The following QKI variants were observed in gnomAD, a reference collection of about 807,000 sequenced individuals.
QKI encodes the protein KH domain-containing RNA-binding protein QKI.
In QKI, 10 loss-of-function variants were observed where a neutral mutation model predicts 39.0. That is an observed-to-expected ratio of 0.26 (90% confidence interval 0.16 to 0.43). The LOEUF is 0.43. Among genes scored for constraint, QKI ranks in the 20% least tolerant of loss-of-function variants. The pLI, the probability that QKI is intolerant of heterozygous loss-of-function variation, is 1.00. For synonymous variants in QKI, 204 were observed against 155.4 expected (o/e 1.31, Z -2.33); for missense variants, 218 against 428.0 (o/e 0.51, Z 4.33).
In QKI at chr6:163,535,102, G is replaced by A; in HGVS notation, c.523G>A (p.Val175Met). The A allele has an allele frequency of 3.1e-6, 5 of 1,601,144 alleles. No homozygotes were observed. The highest frequency in any genetic ancestry group is 4.3e-6 in the Non-Finnish European group (5 of 1,174,470). The change falls in exon 4 of 8, where the codon GTG (valine) becomes ATG (methionine). Residue 175 changes from valine (V) to methionine (M), a missense_variant. Val to Met is a conservative substitution (Grantham distance 21). Coordinates refer to ENST00000361752, the MANE Select transcript of QKI (RefSeq NM_006775.3). ...EIKLKRAVEE[V>M]KKLLVPAAEG... ...CAAATTGAAGAGAGCAGTTGAAGAAGTGAAGAAATTATTGGTACCTGCAGT... is the reference window on the plus strand; with the variant it reads ...CAAATTGAAGAGAGCAGTTGAAGAAATGAAGAAATTATTGGTACCTGCAGT...
At chr6:163,461,500 G>A (rs1238246867) in intron 2 of QKI, among the ~76,000 whole-genome samples, 1 of 152,108 alleles carries the variant, frequency 6.6e-6, no homozygotes, top group Non-Finnish European at 1.5e-5. Flanking sequence ...AGACAGAAAC[G>A]TTTGTCTATG....
chr6:163,487,453 ATTAT>A (rs764608673), intron 3 of QKI, among the ~76,000 whole-genome samples: 46 of 152,334 alleles, frequency 3.0e-4, no homozygotes, highest in Admixed American at 1.0e-3. Context: ...TATCTAGAAA[ATTAT>A]TTATCCTCAA....
At chr6:163,564,342 A>C (rs768587643) in intron 6 of QKI, 17 of 1,070,006 alleles carry the variant, frequency 1.6e-5, no homozygotes, top group Non-Finnish European at 2.0e-5. Flanking sequence ...CTACACACCT[A>C]GGCTGTGTGG....
At chr6:163,527,694 C>T (rs2128239362) in intron 3 of QKI, among the ~76,000 whole-genome samples, 1 of 152,190 alleles carries the variant, frequency 6.6e-6, no homozygotes, top group East Asian at 1.9e-4. Flanking sequence ...TACTTTGTTT[C>T]TCAAATGTTG....
chr6:163,426,115 C>T (rs1788382632), intron 1 of QKI, among the ~76,000 whole-genome samples: 1 of 152,090 alleles, frequency 6.6e-6, no homozygotes, highest in Admixed American at 6.5e-5. Flanking sequence ...ACGTAATAAC[C>T]AGTCCATATT....
intron 4 of QKI, among the ~76,000 whole-genome samples, chr6:163,544,389 T>G (rs1781738782): frequency 6.6e-6 from 1 of 152,022 alleles, no homozygotes; most frequent in Non-Finnish European, 1.5e-5. Flanking sequence ...TGGAACCAGT[T>G]CCCCGCAGAT....
intron 4 of QKI, among the ~76,000 whole-genome samples, chr6:163,544,295 C>T (rs1781731682): frequency 6.6e-6 from 1 of 151,886 alleles, no homozygotes; most frequent in South Asian, 2.1e-4. Context: ...GGAGCATGTG[C>T]GTAGGTTATA....
chr6:163,463,647 C>G (rs1197232688), intron 2 of QKI, among the ~76,000 whole-genome samples: 3 of 152,118 alleles, frequency 2.0e-5, no homozygotes, highest in Non-Finnish European at 4.4e-5. Context: ...CCATTCAAAA[C>G]AAATTCACGT....
chr6:163,439,354 T>TTGG (rs201292493), intron 1 of QKI, among the ~76,000 whole-genome samples: 7 of 133,360 alleles, frequency 5.2e-5, no homozygotes, highest in Non-Finnish European at 9.9e-5. Context: ...TTTTTTTTTT[T>TTGG]CGGGGGGGTG....
chr6:163,525,266 C>G, intron 3 of QKI, among the ~76,000 whole-genome samples: 1 of 65,944 alleles, frequency 1.5e-5, no homozygotes, highest in African/African-American at 8.4e-5. Context: ...CATCTTGTTT[C>G]CTTTTTTTTT....
chr6:163,415,642 C>G (rs892421253), intron 1 of QKI, among the ~76,000 whole-genome samples: 1 of 151,790 alleles, frequency 6.6e-6, no homozygotes, highest in African/African-American at 2.4e-5. Context: ...TCGGCGGTCA[C>G]ATTTCCGAGA....
intron 1 of QKI, among the ~76,000 whole-genome samples, chr6:163,431,766 T>G (rs1345517255): frequency 7.0e-6 from 1 of 143,020 alleles, no homozygotes; most frequent in Admixed American, 7.2e-5. Flanking sequence ...GATAGTAGAA[T>G]AGCATTTTAT....
At chr6:163,565,409 C>T (rs1562551095) in intron 6 of QKI, 2 of 985,796 alleles carry the variant, frequency 2.0e-6, no homozygotes, top group East Asian at 2.3e-4. Flanking sequence ...GATTTTGCCA[C>T]GTGGAATTGT....
chr6:163,517,806 C>G lies in QKI; in HGVS notation c.403-17176C>G, dbSNP rs913108573. On this transcript the variant is annotated intron_variant, in intron 3 of 7. Coordinates refer to ENST00000361752, the MANE Select transcript of QKI (RefSeq NM_006775.3). The stretch of plus-strand genomic sequence containing the variant: ...ACTAACTTTTTTCCCTAAATAGTGT[C>G]TCTCTTTATTTTGTCGATTGATATT... 4.6e-5 allele frequency among the ~76,000 whole-genome samples: 7 copies of G among 152,046 alleles called. No individual in the cohort carries two copies. The East Asian group carries it at 1.2e-3, about 25-fold the overall frequency.
intron 2 of QKI, among the ~76,000 whole-genome samples, chr6:163,476,589 T>G (rs1235280737): frequency 6.6e-6 from 1 of 152,242 alleles, no homozygotes; most frequent in East Asian, 1.9e-4. Context: ...GAGAAAAAAC[T>G]AGCCCATTAC....
At chr6:163,558,565 A>C (rs1160805657) in intron 4 of QKI, among the ~76,000 whole-genome samples, 3 of 151,942 alleles carry the variant, frequency 2.0e-5, no homozygotes, top group African/African-American at 4.8e-5. Context: ...ACGCCCAGCT[A>C]ATTTTTGTAT....
chr6:163,459,392 A>G (rs964427970), intron 2 of QKI, among the ~76,000 whole-genome samples: 1 of 152,156 alleles, frequency 6.6e-6, no homozygotes, highest in Non-Finnish European at 1.5e-5. Flanking sequence ...GGTGGAGTCC[A>G]GGGATACTGT....
At chr6:163,457,589 G>A (rs2128219812) in intron 2 of QKI, 1 of 373,490 alleles carries the variant, frequency 2.7e-6, no homozygotes, top group African/African-American at 2.1e-5. Context: ...GTTAAGCCCT[G>A]TAGATAATTC....
chr6:163,568,445 A>G lies in QKI; in HGVS notation c.1009+1650A>G, dbSNP rs568587490. The G allele has an allele frequency of 1.4e-5, 14 of 985,578 alleles. No homozygotes were observed. The South Asian group carries it at 4.2e-4, about 30-fold the overall frequency. The allele number at this position is 985,578 out of a possible 1,614,324, so 61.1% of individuals were successfully genotyped here. A position where few individuals can be genotyped will look rare whatever the true frequency, so the allele number is the denominator to read the frequency against. On this transcript the variant is annotated intron_variant, in intron 7 of 7. Transcript: ENST00000361752. The stretch of plus-strand genomic sequence containing the variant: ...GGATCTTTTGTAGTTACGTGTTTTG[A>G]TTAGTCCTGTCACTGTTTTTATTTA...
Sources: allele counts gnomAD v4.1 joint callset (sites outside exome capture counted in the v4.1 genomes callset), GRCh38; gene constraint gnomAD v4.1.1; transcripts MANE v1.5; gene names NCBI Gene and HGNC (gene_info 2026-07-23, HGNC 2026-07-21).